UBE2H: variants seen among roughly 807,000 people sequenced by gnomAD.
The protein encoded by UBE2H is ubiquitin conjugating enzyme E2 H.
UBE2H carries 3 observed loss-of-function variants against 29.0 expected under a neutral mutation model. That is an observed-to-expected ratio of 0.10 (90% CI 0.05 to 0.27). The LOEUF (loss-of-function observed/expected upper bound fraction) is 0.27. Among genes scored for constraint, UBE2H ranks in the 10% least tolerant of loss-of-function variants. The pLI, the probability that UBE2H is intolerant of heterozygous loss-of-function variation, is 1.00. For synonymous variants in UBE2H, 69 were observed against 82.9 expected (o/e 0.83, Z 0.91); for missense variants, 68 against 228.2 (o/e 0.30, Z 4.52).
intron 3 of UBE2H, among the ~76,000 whole-genome samples, chr7:129,874,957 A>G (rs1394260590): frequency 1.3e-5 from 2 of 152,150 alleles, no homozygotes; most frequent in African/African-American, 2.4e-5. Flanking sequence ...TTTAAAGGAA[A>G]AAAGAAGGGA....
intron 1 of UBE2H, among the ~76,000 whole-genome samples, chr7:129,886,654 C>T (rs1036714604): frequency 5.3e-5 from 8 of 150,764 alleles, no homozygotes; most frequent in Non-Finnish European, 7.4e-5. Context: ...AGAAGCAAGT[C>T]GTGTGGATTT....
At chr7:129,841,545 A>G (rs1401913576) in intron 5 of UBE2H, among the ~76,000 whole-genome samples, 1 of 152,216 alleles carries the variant, frequency 6.6e-6, no homozygotes. Context: ...ATTTAATTCT[A>G]ATTAAATTTA....
At chr7:129,944,161 C>G (rs977572380) in intron 1 of UBE2H, among the ~76,000 whole-genome samples, 2 of 151,124 alleles carry the variant, frequency 1.3e-5, no homozygotes, top group Admixed American at 1.3e-4. Flanking sequence ...TCAAGACCAT[C>G]CTCGCTAACA....
At chr7:129,951,498 A>C (rs1807875400) in intron 1 of UBE2H, among the ~76,000 whole-genome samples, 1 of 152,032 alleles carries the variant, frequency 6.6e-6, no homozygotes, top group African/African-American at 2.4e-5. Context: ...AAAAAAAAAA[A>C]ATTCTCGATT....
intron 1 of UBE2H, among the ~76,000 whole-genome samples, chr7:129,927,232 A>C (rs1245411207): frequency 6.6e-6 from 1 of 152,242 alleles, no homozygotes; most frequent in East Asian, 1.9e-4. Flanking sequence ...TAAGAAACCT[A>C]TTAGAAATTT....
intron 1 of UBE2H, among the ~76,000 whole-genome samples, chr7:129,893,166 A>C (rs904110008): frequency 2.6e-5 from 4 of 152,178 alleles, no homozygotes; most frequent in African/African-American, 9.7e-5. Context: ...GTTCATTACC[A>C]CCTAGCAGAC....
chr7:129,857,320 T>C, intron 5 of UBE2H, 191 bp downstream of exon 5: 1 of 594,154 alleles, frequency 1.7e-6, no homozygotes, highest in Middle Eastern at 3.6e-4. Context: ...ATTTTAAACT[T>C]CCACAGCTAA....
intron 1 of UBE2H, among the ~76,000 whole-genome samples, chr7:129,943,860 G>A (rs991210960): frequency 6.6e-6 from 1 of 152,114 alleles, no homozygotes; most frequent in Non-Finnish European, 1.5e-5. Flanking sequence ...CAGTCTGGGC[G>A]ACAGAGCGAG....
intron 5 of UBE2H, among the ~76,000 whole-genome samples, chr7:129,843,999 C>T (rs949617506): frequency 6.6e-6 from 1 of 152,230 alleles, no homozygotes; most frequent in African/African-American, 2.4e-5. Flanking sequence ...ATTTTATACC[C>T]TTTCCTACTA....
intron 1 of UBE2H, among the ~76,000 whole-genome samples, chr7:129,899,368 C>G (rs773735602): frequency 3.9e-5 from 6 of 152,198 alleles, no homozygotes; most frequent in African/African-American, 4.8e-5. Context: ...CCCTCATGCT[C>G]TCACCAATAC....
At chr7:129,862,104 T>TTA (rs1805814586) in intron 3 of UBE2H, among the ~76,000 whole-genome samples, 1 of 152,122 alleles carries the variant, frequency 6.6e-6, no homozygotes, top group African/African-American at 2.4e-5. Context: ...TCAAGATCAG[T>TTA]TATATATAGG....
intron 1 of UBE2H, among the ~76,000 whole-genome samples, chr7:129,901,246 TGGCTGGTGAGTTGTGGAGGGAG>T (rs1377079962): frequency 2.0e-5 from 3 of 152,234 alleles, no homozygotes; most frequent in Non-Finnish European, 2.9e-5. Context: ...TCATTATTTG[TGGCTGGTGAGTTGTGGAGGGAG>T]GACAGGAGCC....
At chr7:129,872,845 C>CAAAAAAAAAAAAAAAAAAAAAAAAAAA (rs34001143) in intron 3 of UBE2H, among the ~76,000 whole-genome samples, 1 of 71,992 alleles carries the variant, frequency 1.4e-5, no homozygotes, top group Non-Finnish European at 2.5e-5. Flanking sequence ...CACTCCGTCT[C>CAAAAAAAAAAAAAAAAAAAAAAAAAAA]AAAAAAAAAA....
chr7:129,879,524 A>G (rs749670143), intron 3 of UBE2H, 44 bp downstream of exon 3: 2 of 1,547,744 alleles, frequency 1.3e-6, no homozygotes, highest in Non-Finnish European at 1.8e-6. Context: ...TTTCCCCCTT[A>G]GATTTCAAAA....
At chr7:129,931,563 A>G (rs1029386444) in intron 1 of UBE2H, among the ~76,000 whole-genome samples, 2 of 152,236 alleles carry the variant, frequency 1.3e-5, no homozygotes, top group African/African-American at 4.8e-5. Context: ...TAGTAAGAAC[A>G]GTTTTTAATC....
intron 1 of UBE2H, among the ~76,000 whole-genome samples, chr7:129,891,859 CA>C (rs1438621213): frequency 4.0e-5 from 6 of 150,234 alleles, no homozygotes; most frequent in Non-Finnish European, 7.4e-5. Context: ...TGAATTGCCA[CA>C]AAACTAAAAT....
At chr7:129,933,308 T>C (rs1259129025) in intron 1 of UBE2H, among the ~76,000 whole-genome samples, 1 of 152,164 alleles carries the variant, frequency 6.6e-6, no homozygotes, top group Non-Finnish European at 1.5e-5. Flanking sequence ...GTATCAAATA[T>C]TAAGGAAAAC....
chr7:129,873,075 C>T (rs1054205866), intron 3 of UBE2H, among the ~76,000 whole-genome samples: 19 of 150,244 alleles, frequency 1.3e-4, no homozygotes, highest in African/African-American at 2.4e-4. Flanking sequence ...GCTGGAGTGC[C>T]GTGGCGCGAT....
chr7:129,928,803 T>C (rs1375266456), intron 1 of UBE2H, among the ~76,000 whole-genome samples: 2 of 152,038 alleles, frequency 1.3e-5, no homozygotes, highest in Non-Finnish European at 2.9e-5. Flanking sequence ...TATATACATA[T>C]ATAAAGAGGA....
Sources: gnomAD v4.1 joint callset for allele counts (sites outside exome capture counted in the v4.1 genomes callset) on GRCh38, gnomAD v4.1.1 for gene constraint, MANE v1.5 for transcripts, NCBI Gene and HGNC (gene_info 2026-07-23, HGNC 2026-07-21) for gene names.